FYN: variants seen among roughly 807,000 people sequenced by gnomAD.
FYN encodes FYN proto-oncogene, Src family tyrosine kinase, also known as tyrosine-protein kinase Fyn.
FYN carries 10 observed loss-of-function variants against 70.2 expected under a neutral mutation model. That is an observed-to-expected ratio of 0.14 (90% CI 0.09 to 0.24). The LOEUF (loss-of-function observed/expected upper bound fraction) is 0.24. FYN is among the 10% of genes least tolerant of loss of function. FYN has a pLI of 1.00. For synonymous variants in FYN, 236 were observed against 248.6 expected, an observed-to-expected ratio of 0.95 and a Z score of 0.48; for missense variants, 319 against 673.1, an observed-to-expected ratio of 0.47 and a Z score of 5.82.
In FYN at chr6:111,855,570, C is replaced by CA. The variant is rs34968217; in HGVS notation, c.-122-8942dup. 5.3e-5 allele frequency among the ~76,000 whole-genome samples: 8 copies of CA among 152,234 alleles called. No individual in the cohort carries two copies. In the South Asian group the frequency reaches 1.2e-3, roughly 24 times the overall value. ...TTTGTGACAAAGCCAATACTAAATA[C>CA]AAAAAACACTTCAACATAGCAGTAT... On this transcript the variant is annotated intron_variant, in intron 1 of 13. Transcript: ENST00000354650.
At chr6:111,848,080 T>C (rs565310403) in intron 1 of FYN, among the ~76,000 whole-genome samples, 4 of 152,344 alleles carry the variant, frequency 2.6e-5, no homozygotes, top group African/African-American at 9.6e-5. Flanking sequence ...AAATTTTAAC[T>C]TGCTTCCCTA....
chr6:111,784,481 A>C (rs1251513883), intron 2 of FYN, among the ~76,000 whole-genome samples: 1 of 152,220 alleles, frequency 6.6e-6, no homozygotes, highest in African/African-American at 2.4e-5. Context: ...CAGTCCTGAT[A>C]ACCATGGTAC....
chr6:111,759,511 G>A (rs992930646), intron 3 of FYN, among the ~76,000 whole-genome samples: 18 of 152,212 alleles, frequency 1.2e-4, no homozygotes, highest in Admixed American at 9.1e-4. Flanking sequence ...TGTCCACAAC[G>A]GTGCTGGGTC....
intron 2 of FYN, among the ~76,000 whole-genome samples, chr6:111,843,697 G>A (rs1773432020): frequency 6.6e-6 from 1 of 152,254 alleles, no homozygotes; most frequent in South Asian, 2.1e-4. Flanking sequence ...ATTCATGCCT[G>A]CTCAATTTTT....
At chr6:111,672,098 G>A (rs1263674266) in intron 13 of FYN, among the ~76,000 whole-genome samples, 2 of 152,104 alleles carry the variant, frequency 1.3e-5, no homozygotes, top group East Asian at 3.9e-4. Flanking sequence ...GCAGGCTCTC[G>A]GCCACCCTTC....
At chr6:111,679,336 T>A (rs1265168505) in intron 12 of FYN, among the ~76,000 whole-genome samples, 1 of 152,200 alleles carries the variant, frequency 6.6e-6, no homozygotes, top group East Asian at 1.9e-4. Flanking sequence ...TGTCACTACT[T>A]TTTTTCAGTA....
intron 3 of FYN, among the ~76,000 whole-genome samples, chr6:111,744,597 T>G (rs1487922152): frequency 1.3e-5 from 2 of 152,220 alleles, no homozygotes; most frequent in East Asian, 3.8e-4. Flanking sequence ...TGGGAACACA[T>G]GGACTCCTAT....
At chr6:111,733,095 C>T (rs1395812480) in intron 3 of FYN, among the ~76,000 whole-genome samples, 2 of 152,058 alleles carry the variant, frequency 1.3e-5, no homozygotes, top group Admixed American at 1.3e-4. Flanking sequence ...CTCCCCACTC[C>T]CGAGAACCAA....
At chr6:111,872,350 T>C (rs1241063952) in intron 1 of FYN, among the ~76,000 whole-genome samples, 1 of 34,386 alleles carries the variant, frequency 2.9e-5, no homozygotes, top group South Asian at 9.9e-4. Context: ...AGCAGAGGGG[T>C]GGGGGACAGA....
chr6:111,820,111 G>A (rs1319747039), intron 2 of FYN: 2 of 152,146 alleles, frequency 1.3e-5, no homozygotes, highest in African/African-American at 4.8e-5. Flanking sequence ...TTAAATCAGG[G>A]CTGTGAACAG....
rs772664549 is a variant in FYN at position 111,703,060 on chromosome 6, G to A, written c.548-26C>T. ...CTGGTAAACGTGGAAAGCATTAGCA[G>A]CTCCAATCATTTAGAGTATCAGCTT... On this transcript the variant is annotated intron_variant, in intron 7 of 13. Coordinates refer to ENST00000354650, the MANE Select transcript of FYN (RefSeq NM_002037.5). 3.7e-6 allele frequency: 6 copies of A among 1,607,632 alleles called. No individual in the cohort carries two copies. The Admixed American group carries it at 1.0e-4, about 27-fold the overall frequency.
chr6:111,867,468 A>G (rs964253240), intron 1 of FYN, among the ~76,000 whole-genome samples: 10 of 136,272 alleles, frequency 7.3e-5, no homozygotes, highest in African/African-American at 2.6e-4. Context: ...GAAAAAAAAA[A>G]AAAAAAAAAA....
chr6:111,699,077 G>A (rs186183241), intron 9 of FYN, among the ~76,000 whole-genome samples: 150 of 152,264 alleles, frequency 9.9e-4, no homozygotes, highest in Admixed American at 3.3e-3. Context: ...GCAAGACTCC[G>A]TCTCAACAAC....
At chr6:111,808,985 G>GT (rs2114291636) in intron 2 of FYN, among the ~76,000 whole-genome samples, 1 of 152,298 alleles carries the variant, frequency 6.6e-6, no homozygotes, top group East Asian at 1.9e-4. Context: ...CTCGGTAAGT[G>GT]TTTATCTGGT....
chr6:111,699,438 G>A, intron 9 of FYN: 1 of 1,466,928 alleles, frequency 6.8e-7, no homozygotes, highest in Non-Finnish European at 9.4e-7. Flanking sequence ...CAACGGCTGT[G>A]TGTGCATTTT....
At chr6:111,730,459 T>C (rs931169912) in intron 3 of FYN, among the ~76,000 whole-genome samples, 2 of 152,080 alleles carry the variant, frequency 1.3e-5, no homozygotes, top group Non-Finnish European at 2.9e-5. Context: ...ATTCCTGAGG[T>C]GTCTGTAGGA....
chr6:111,774,788 G>A (rs1803642121), intron 3 of FYN, among the ~76,000 whole-genome samples: 1 of 151,876 alleles, frequency 6.6e-6, no homozygotes, highest in Non-Finnish European at 1.5e-5. Context: ...ACGTGATCTC[G>A]CCTCACTGCA....
chr6:111,699,713 T>A, intron 9 of FYN: 5 of 1,565,896 alleles, frequency 3.2e-6, no homozygotes, highest in Non-Finnish European at 4.4e-6. Flanking sequence ...GTCCTTATAA[T>A]CCATAATTAT....
At position 111,801,184 on chromosome 6, in the gene FYN, G is replaced by GTCT. The variant is rs879628291; in HGVS notation, c.-81-20550_-81-20549insAGA. 1.6e-3 allele frequency among the ~76,000 whole-genome samples: 251 copies of GTCT among 152,284 alleles called. 4 individuals are homozygous for GTCT. The highest frequency in any genetic ancestry group is 0.014 in the Admixed American group (219 of 15,294). Reference sequence around the variant, plus strand: ...TGCACCGCTGGCGATGCTGCAGGTGGCCAAGCAACGCTCAAACCACTGGCA... The same window carrying GTCT: ...TGCACCGCTGGCGATGCTGCAGGTGGTCTCCAAGCAACGCTCAAACCACTGGCA... On this transcript the variant is annotated intron_variant, in intron 2 of 13. Coordinates refer to ENST00000354650, the MANE Select transcript of FYN (RefSeq NM_002037.5).
Sources: gnomAD v4.1 joint callset for allele counts (sites outside exome capture counted in the v4.1 genomes callset) on GRCh38, gnomAD v4.1.1 for gene constraint, MANE v1.5 for transcripts, NCBI Gene and HGNC (gene_info 2026-07-23, HGNC 2026-07-21) for gene names.